The following KLHL1 variants were observed in gnomAD, a reference collection of about 807,000 sequenced individuals.
The protein encoded by KLHL1 is kelch-like protein 1.
In KLHL1, 47 loss-of-function variants were observed where a neutral mutation model predicts 77.7. The observed-to-expected ratio is 0.60, with a 90% CI of 0.48 to 0.77. The LOEUF is 0.77. Among genes scored for constraint, KLHL1 ranks in the 30% least tolerant of loss-of-function variants. The pLI is 0.00. For missense variants in KLHL1, 925 were observed against 910.8 expected (o/e 1.02, Z -0.20); for synonymous variants, 360 against 325.2 (o/e 1.11, Z -1.15).
intron 5 of KLHL1, among the ~76,000 whole-genome samples, chr13:69,863,270 T>C (rs1228758185): frequency 6.6e-6 from 1 of 150,586 alleles, no homozygotes; most frequent in Non-Finnish European, 1.5e-5. Flanking sequence ...TTAGTAGTTA[T>C]ATTTTAACTA....
intron 1 of KLHL1, among the ~76,000 whole-genome samples, chr13:70,007,214 A>C (rs1885427356): frequency 6.6e-6 from 1 of 152,064 alleles, no homozygotes; most frequent in African/African-American, 2.4e-5. Context: ...TATTGCAATA[A>C]ATCAAATGTG....
At chr13:70,070,943 T>G (rs951939467) in intron 1 of KLHL1, among the ~76,000 whole-genome samples, 1 of 151,834 alleles carries the variant, frequency 6.6e-6, no homozygotes, top group African/African-American at 2.4e-5. Context: ...AGGAGAAAAT[T>G]GAATTATATA....
At chr13:69,974,431 C>A (rs9572323) in intron 2 of KLHL1, among the ~76,000 whole-genome samples, 1 of 151,030 alleles carries the variant, frequency 6.6e-6, no homozygotes, top group African/African-American at 2.4e-5. Context: ...TGTATATAAA[C>A]AGTAATAAAG....
intron 5 of KLHL1, among the ~76,000 whole-genome samples, chr13:69,853,717 C>T (rs1177355472): frequency 6.6e-6 from 1 of 151,902 alleles, no homozygotes; most frequent in Non-Finnish European, 1.5e-5. Context: ...TCTTACCATG[C>T]CAGATACAAT....
At chr13:69,766,286 G>A (rs1456628423) in intron 7 of KLHL1, among the ~76,000 whole-genome samples, 2 of 150,344 alleles carry the variant, frequency 1.3e-5, no homozygotes, top group African/African-American at 5.0e-5. Flanking sequence ...TAAACTACAA[G>A]AGTTGTTTTT....
At chr13:69,794,789 G>A (rs1209136437) in intron 7 of KLHL1, among the ~76,000 whole-genome samples, 1 of 152,086 alleles carries the variant, frequency 6.6e-6, no homozygotes, top group Non-Finnish European at 1.5e-5. Flanking sequence ...ATCAATACAT[G>A]AAATATATAC....
At chr13:69,893,374 A>G (rs1027764739) in intron 4 of KLHL1, among the ~76,000 whole-genome samples, 2 of 151,504 alleles carry the variant, frequency 1.3e-5, no homozygotes, top group South Asian at 4.2e-4. Flanking sequence ...AGCTGGGACT[A>G]CAGGCGCCCG....
At chr13:69,749,400 A>C (rs191919853) in intron 7 of KLHL1, among the ~76,000 whole-genome samples, 256 of 152,080 alleles carry the variant, frequency 1.7e-3, no homozygotes, top group African/African-American at 5.6e-3. Context: ...TAATTTTTAA[A>C]ATGTCTTTTA....
intron 5 of KLHL1, among the ~76,000 whole-genome samples, chr13:69,870,898 C>T (rs1030814392): frequency 2.6e-5 from 4 of 152,092 alleles, no homozygotes; most frequent in East Asian, 2.0e-4. Context: ...CCCATGTGGC[C>T]GCTCTCAGGG....
chr13:69,733,707 G>A (rs936948126), intron 8 of KLHL1, among the ~76,000 whole-genome samples: 1 of 152,146 alleles, frequency 6.6e-6, no homozygotes, highest in East Asian at 1.9e-4. Context: ...AGTCAGTAGG[G>A]CACATGGAGC....
At chr13:70,057,652 T>C (rs1295597852) in intron 1 of KLHL1, among the ~76,000 whole-genome samples, 1 of 148,718 alleles carries the variant, frequency 6.7e-6, no homozygotes, top group Non-Finnish European at 1.5e-5. Context: ...GGCGGGCGCC[T>C]GTAGTCCCAG....
intron 1 of KLHL1, among the ~76,000 whole-genome samples, chr13:70,013,357 C>T (rs769274131): frequency 1.3e-5 from 2 of 152,194 alleles, no homozygotes; most frequent in Admixed American, 1.3e-4. Context: ...GGCTACTCTA[C>T]TTGACTGCAG....
chr13:69,936,708 T>C (rs751770840), intron 4 of KLHL1, among the ~76,000 whole-genome samples: 3 of 151,766 alleles, frequency 2.0e-5, no homozygotes, highest in Non-Finnish European at 4.4e-5. Context: ...TTAAAAGATA[T>C]GAATAGAGAA....
At chr13:69,931,807 A>G (rs1286050439) in intron 4 of KLHL1, among the ~76,000 whole-genome samples, 5 of 151,760 alleles carry the variant, frequency 3.3e-5, no homozygotes, top group South Asian at 4.1e-4. Flanking sequence ...AGGAACAGAA[A>G]TTAGATGGGA....
At chr13:69,899,446 C>T (rs1881779890) in intron 4 of KLHL1, among the ~76,000 whole-genome samples, 1 of 152,152 alleles carries the variant, frequency 6.6e-6, no homozygotes, top group Non-Finnish European at 1.5e-5. Flanking sequence ...CTATTCTTCA[C>T]CTCAATCTTA....
intron 1 of KLHL1, among the ~76,000 whole-genome samples, chr13:69,991,676 CAA>C (rs56960573): frequency 9.3e-5 from 13 of 140,218 alleles, no homozygotes; most frequent in Non-Finnish European, 1.4e-4. Context: ...GCCTATCAAC[CAA>C]AAAAAAAAAG....
chr13:69,711,746 A>G (rs1342189712), intron 9 of KLHL1, among the ~76,000 whole-genome samples: 1 of 152,046 alleles, frequency 6.6e-6, no homozygotes, highest in Admixed American at 6.6e-5. Context: ...GGTCAAAGAG[A>G]GTGTATACTT....
intron 5 of KLHL1, among the ~76,000 whole-genome samples, chr13:69,839,570 T>C (rs1365650514): frequency 1.3e-5 from 2 of 151,988 alleles, no homozygotes; most frequent in African/African-American, 4.8e-5. Context: ...CTGTAAGTGT[T>C]CATATATTTA....
At position 69,831,565 on chromosome 13, in the gene KLHL1, T is replaced by C. The variant is rs751118534; in HGVS notation, c.1414+7411A>G. ...ATTCTATTGAAACTATTCCAAAAGATAGAGAAGGAGAGAATCCTCTGTAAA... is the reference window on the plus strand; with the variant it reads ...ATTCTATTGAAACTATTCCAAAAGACAGAGAAGGAGAGAATCCTCTGTAAA... On this transcript the variant is annotated intron_variant, in intron 6 of 10. Coordinates refer to ENST00000377844, the MANE Select transcript of KLHL1 (RefSeq NM_020866.3). 6.0e-5 allele frequency among the ~76,000 whole-genome samples: 9 copies of C among 149,842 alleles called. 1 individual carries two copies. Among genetic ancestry groups the C allele is most frequent in the Non-Finnish European group, 1.0e-4 (7 of 67,624 alleles).
Sources: allele counts gnomAD v4.1 joint callset (sites outside exome capture counted in the v4.1 genomes callset), GRCh38; gene constraint gnomAD v4.1.1; transcripts MANE v1.5; gene names NCBI Gene and HGNC (gene_info 2026-07-23, HGNC 2026-07-21).